SLC6A19: variants seen among roughly 807,000 people sequenced by gnomAD.
SLC6A19 encodes sodium-dependent neutral amino acid transporter B(0)AT1.
Under a neutral mutation model 68.3 loss-of-function variants are expected in SLC6A19, and 67 were observed. The ratio of observed to expected loss-of-function variants is 0.98; its 90% confidence interval spans 0.81 to 1.20. The LOEUF (loss-of-function observed/expected upper bound fraction) is 1.20. SLC6A19 is among the 50% of genes most tolerant of loss of function. The pLI is 0.00. For missense variants in SLC6A19, 813 were observed against 851.6 expected (o/e 0.95, Z 0.56); for synonymous variants, 392 against 374.9 (o/e 1.05, Z -0.53).
rs1745713212 is a variant in SLC6A19, at chr5:1,201,840, A to G, written c.190A>G (p.Ser64Gly). 2 of 1,610,952 alleles carry G rather than the reference A, an allele frequency of 1.2e-6. No individual in the cohort carries two copies. The highest frequency in any genetic ancestry group is 1.7e-6 in the Non-Finnish European group (2 of 1,179,712). Residue 64 changes from serine (S) to glycine (G), a missense_variant, in exon 1 of 12, where the codon AGC (serine) becomes GGC (glycine). Transcript: ENST00000304460. ...GTGGCGCTTCCCCTACCTGTGTCAGAGCCACGGAGGAGGTAGGCTGGCCGG... is the reference window on the plus strand; with the variant it reads ...GTGGCGCTTCCCCTACCTGTGTCAGGGCCACGGAGGAGGTAGGCTGGCCGG... The part of the protein sequence containing the change: ...NVWRFPYLCQ[S>G]HGGGAFMIPF...
rs1364421444 is a variant in SLC6A19 at position 1,212,236 on chromosome 5, C to T, written c.482-67C>T. On this transcript the variant is annotated intron_variant, in intron 3 of 11. Transcript: ENST00000304460. The surrounding 1 kb of genome is among the most constrained non-coding windows in gnomAD (Gnocchi z 5.1). ...AACGTGGCTGGCATTTCTTCCAGCT[C>T]AGGGCCTTCCATTCTCCTCCCTTGG... 7 of 1,599,166 alleles carry T rather than the reference C, an allele frequency of 4.4e-6. No individual in the cohort carries two copies. The African/African-American group carries it at 9.4e-5, about 21-fold the overall frequency.
chr5:1,206,237 CCTT>C (rs1234712889), intron 1 of SLC6A19, among the ~76,000 whole-genome samples: 1 of 151,632 alleles, frequency 6.6e-6, no homozygotes, highest in Non-Finnish European at 1.5e-5. Context: ...CTCCCTCCCT[CCTT>C]CTCTCTCTCT....
At position 1,208,813 on chromosome 5, in the gene SLC6A19, C is replaced by T. The variant is rs371759358; in HGVS notation, c.270C>T (p.Phe90=). ...GCATCCCCCTGCTGTACCTGGAGTT[C>T]GCCATCGGGCAGCGGCTGCGGCGGG... is the stretch of plus-strand genomic sequence containing the variant. ...LEGIPLLYLE[F]AIGQRLRRGS... The change falls in exon 2 of 12, where the codon TTC becomes TTT. Residue 90 remains phenylalanine (F), a synonymous_variant. Coordinates refer to ENST00000304460, the MANE Select transcript of SLC6A19 (RefSeq NM_001003841.3). 33 of 1,612,998 alleles carry T rather than the reference C, an allele frequency of 2.0e-5. No individual in the cohort carries two copies. The highest frequency in any genetic ancestry group is 8.9e-5 in the East Asian group (4 of 44,848).
intron 1 of SLC6A19, among the ~76,000 whole-genome samples, chr5:1,203,393 C>T (rs1254162393): frequency 6.6e-6 from 1 of 152,124 alleles, no homozygotes; most frequent in Non-Finnish European, 1.5e-5. Context: ...CTGGGCCATG[C>T]TGGGGTGGAC....
rs766366907 is a variant in SLC6A19, at chr5:1,219,121, C to T, written c.1378+14C>T. 15 of 1,602,842 alleles carry T rather than the reference C, an allele frequency of 9.4e-6. No homozygotes were observed. Among genetic ancestry groups the T allele is most frequent in the East Asian group, 4.5e-5 (2 of 44,316 alleles). On this transcript the variant is annotated intron_variant, in intron 9 of 11. Coordinates refer to ENST00000304460, the MANE Select transcript of SLC6A19 (RefSeq NM_001003841.3). ...AGGTGCTCACAGGTACGTGTGCAGT[C>T]GGGAGGGGTCCCCATGGCAATGGTG...
rs1233347229 is a variant in SLC6A19, at chr5:1,224,643, A to T, written c.*2739A>T. ...TGTCCACCTGGGCCCCTGCCCTGGGACTCATGGATTTGGAGTTGTGGCCAC... is the reference window on the plus strand; with the variant it reads ...TGTCCACCTGGGCCCCTGCCCTGGGTCTCATGGATTTGGAGTTGTGGCCAC... On this transcript the variant is annotated 3_prime_UTR_variant, in exon 12 of 12. Transcript: ENST00000304460. 3 of 152,436 alleles carry T rather than the reference A, an allele frequency of 2.0e-5. No homozygotes were observed. The East Asian group carries it at 5.8e-4, about 29-fold the overall frequency. 9.4% of individuals were successfully genotyped at this position (152,436 alleles called of 1,614,324 possible). A position where few individuals can be genotyped will look rare whatever the true frequency, so the allele number is the denominator to read the frequency against.
At position 1,210,460 on chromosome 5, in the gene SLC6A19, C is replaced by T. The variant is rs1239064702; in HGVS notation, c.360C>T (p.Leu120=). The T allele has an allele frequency of 2.5e-6, 4 of 1,613,166 alleles. No individual in the cohort carries two copies. Among genetic ancestry groups the T allele is most frequent in the Non-Finnish European group, 2.5e-6 (3 of 1,180,030 alleles). The part of the protein sequence containing the change: ...ALKGLGLASM[L]TSFMVGLYYN... ...TCCCTGCAGGCCTGGCCTCCATGCT[C>T]ACGTCCTTCATGGTGGGACTGTATT... Residue 120 remains leucine, a synonymous_variant, in exon 3 of 12, where the codon CTC becomes CTT. Coordinates refer to ENST00000304460, the MANE Select transcript of SLC6A19 (RefSeq NM_001003841.3).
intron 6 of SLC6A19, 150 bp from the exon 7 acceptor site, chr5:1,216,408 C>T: frequency 8.8e-7 from 1 of 1,132,954 alleles, no homozygotes; most frequent in South Asian, 1.3e-5. Context: ...CGGAGTGGGG[C>T]AGGGGCTCCG....
In SLC6A19 at chr5:1,221,886, C is replaced by T. The variant is rs369149152; in HGVS notation, c.1887C>T (p.Asn629=). The T allele has an allele frequency of 4.5e-5, 72 of 1,614,114 alleles. No homozygotes were observed. Among genetic ancestry groups the T allele is most frequent in the African/African-American group, 3.2e-4 (24 of 75,030 alleles). ...LVSTLSTASM[N]GDLKY ...GCACACTGTCCACAGCCTCCATGAA[C>T]GGGGACCTGAAGTACTGAGAAGGCC... Residue 629 remains asparagine (N), a synonymous_variant, in exon 12 of 12, where the codon AAC becomes AAT. Transcript: ENST00000304460.
At position 1,204,238 on chromosome 5, in the gene SLC6A19, T is replaced by C. The variant is rs1364955120; in HGVS notation, c.202+2386T>C. 2.0e-5 allele frequency among the ~76,000 whole-genome samples: 3 copies of C among 152,330 alleles called. No individual in the cohort carries two copies. The East Asian group carries it at 5.8e-4, about 29-fold the overall frequency. The stretch of plus-strand genomic sequence containing the variant: ...CATTTACGCGTGCCTCCGAGTCTCC[T>C]GTGTCTTAACAGATTTTGCCCTCCT... On this transcript the variant is annotated intron_variant, in intron 1 of 11. Transcript: ENST00000304460.
At chr5:1,218,552 G>A (rs1213068441) in intron 8 of SLC6A19, among the ~76,000 whole-genome samples, 3 of 152,200 alleles carry the variant, frequency 2.0e-5, no homozygotes, top group Non-Finnish European at 4.4e-5. Flanking sequence ...CAGGGTATGC[G>A]TTTATTAACA....
At chr5:1,211,226 C>T (rs1276947450) in intron 3 of SLC6A19, among the ~76,000 whole-genome samples, 1 of 152,198 alleles carries the variant, frequency 6.6e-6, no homozygotes, top group Non-Finnish European at 1.5e-5. Flanking sequence ...TAAGACAGGT[C>T]CTCCCACGAT....
chr5:1,219,783 C>A, intron 10 of SLC6A19, 119 bp downstream of exon 10: 1 of 1,389,216 alleles, frequency 7.2e-7, no homozygotes, highest in Non-Finnish European at 1.0e-6. Context: ...TGACTCGGGG[C>A]CTCGGCCGGC....
At chr5:1,211,923 G>A (rs1426944370) in intron 3 of SLC6A19, among the ~76,000 whole-genome samples, 1 of 148,914 alleles carries the variant, frequency 6.7e-6, no homozygotes, top group Non-Finnish European at 1.5e-5. Context: ...GCATGTGTGT[G>A]CATGTGAGCA....
Position 1,214,309 on chromosome 5 carries a change from G to A in SLC6A19, c.887+244G>A, listed in dbSNP as rs1451803143. Among the ~76,000 whole-genome samples the A allele has an allele frequency of 5.9e-5, 9 of 152,032 alleles. 1 individual carries two copies. Among genetic ancestry groups the A allele is most frequent in the Non-Finnish European group, 1.2e-4 (8 of 67,980 alleles). On this transcript the variant is annotated intron_variant, in intron 6 of 11. Transcript: ENST00000304460. The surrounding 1 kb of genome is among the most constrained non-coding windows in gnomAD (Gnocchi z 7.4). ...GGCGCCTGCAGCTTTCCCCACACCCGTCCCTCCACGAGCCTGGTGCAGACC... is the reference window on the plus strand; with the variant it reads ...GGCGCCTGCAGCTTTCCCCACACCCATCCCTCCACGAGCCTGGTGCAGACC...
chr5:1,210,972 T>C (rs1371085005), intron 3 of SLC6A19, among the ~76,000 whole-genome samples: 2 of 152,190 alleles, frequency 1.3e-5, no homozygotes, highest in Non-Finnish European at 2.9e-5. Context: ...GTCCTGCCCA[T>C]GTGGGGCCCG....
chr5:1,214,772 G>C lies in SLC6A19; in HGVS notation c.887+707G>C, dbSNP rs988279903. The stretch of plus-strand genomic sequence containing the variant: ...GGGTGGCCCTCCAGGCTGTGAAGGT[G>C]CGATTGGAGTCAGACACAGGGGACC... On this transcript the variant is annotated intron_variant, in intron 6 of 11. Coordinates refer to ENST00000304460, the MANE Select transcript of SLC6A19 (RefSeq NM_001003841.3). The surrounding 1 kb of genome is among the most constrained non-coding windows in gnomAD (Gnocchi z 7.4). Among the ~76,000 whole-genome samples, 1 of 151,274 alleles carries C rather than the reference G, an allele frequency of 6.6e-6. No homozygotes were observed. Among genetic ancestry groups the C allele is most frequent in the Admixed American group, 6.6e-5 (1 of 15,170 alleles).
rs7718900 is a variant in SLC6A19, at chr5:1,224,059, T to C, written c.*2155T>C. 43,440 of 152,258 alleles carry C rather than the reference T, an allele frequency of 0.29. 6,328 individuals are homozygous for C. Among genetic ancestry groups the C allele is most frequent in the East Asian group, 0.34 (1,761 of 5,180 alleles). The allele number at this position is 152,258 out of a possible 1,614,324, so 9.4% of individuals were successfully genotyped here. The stretch of plus-strand genomic sequence containing the variant: ...GGTCTCACCTCATCTTTTCCTGCTC[T>C]TTGGCCCTGGATCGAGAAAATTTCC... On this transcript the variant is annotated 3_prime_UTR_variant, in exon 12 of 12. Coordinates refer to ENST00000304460, the MANE Select transcript of SLC6A19 (RefSeq NM_001003841.3).
intron 1 of SLC6A19, among the ~76,000 whole-genome samples, chr5:1,205,870 C>T (rs1253858157): frequency 2.0e-5 from 3 of 152,218 alleles, no homozygotes; most frequent in African/African-American, 7.2e-5. Flanking sequence ...CACACCCTCC[C>T]ATAGGGACCC....
Sources: allele counts gnomAD v4.1 joint callset (sites outside exome capture counted in the v4.1 genomes callset), GRCh38; gene constraint gnomAD v4.1.1; non-coding constraint Gnocchi (gnomAD v3.1); transcripts MANE v1.5; gene names NCBI Gene and HGNC (gene_info 2026-07-23, HGNC 2026-07-21).